The following TCEAL3 variants were observed in gnomAD, a reference collection of about 807,000 sequenced individuals.
TCEAL3 encodes the protein transcription elongation factor A like 3.
For missense variants in TCEAL3, 99 were observed against 156.4 expected (o/e 0.63, Z 1.96); for synonymous variants, 41 against 60.2 (o/e 0.68, Z 1.48).
chrX:103,608,458 G>A (rs1188010221), intron 1 of TCEAL3, 146 bp from the exon 2 acceptor site: 1 of 189,334 alleles, frequency 5.3e-6, no homozygotes, highest in African/African-American at 3.0e-5. Flanking sequence ...GGTGCCCGAG[G>A]CCTGGAAAGA....
Position 103,609,400 on chromosome X carries a change from A to T in TCEAL3, c.336A>T (p.Arg112Ser), listed in dbSNP as rs377363329. The change falls in exon 3 of 3, where the codon AGA becomes AGT. Residue 112 changes from arginine to serine, a missense_variant. Physicochemically the swap from Arg to Ser is moderately radical, Grantham distance 110 (BLOSUM62 -1). Coordinates refer to ENST00000372627, the MANE Select transcript of TCEAL3 (RefSeq NM_032926.3). ...AEDYVPRKAK[R>S]KTDRGTDDSP... ...ATTATGTGCCCCGGAAAGCAAAAAGAAAAACGGACAGGGGGACGGACGATT... is the reference window on the plus strand; with the variant it reads ...ATTATGTGCCCCGGAAAGCAAAAAGTAAAACGGACAGGGGGACGGACGATT... 2.5e-6 allele frequency: 3 copies of T among 1,210,385 alleles called. No homozygotes were observed. The African/African-American group carries it at 5.2e-5, about 21-fold the overall frequency.
rs1486978185 is a variant in TCEAL3, at chrX:103,609,030, T to A, written c.-27-8T>A. The A allele has an allele frequency of 3.4e-6, 4 of 1,176,255 alleles. No homozygotes were observed. The African/African-American group carries it at 7.2e-5, about 21-fold the overall frequency. On this transcript the variant is annotated splice_region_variant and splice_polypyrimidine_tract_variant and intron_variant, in intron 2 of 2. Transcript: ENST00000372627. ...TTGTCTCCTCTTCCCTCCATTCCCA[T>A]CCCCCAGGACAGGAAAAGGAGGGGA...
rs761774534 is a variant in TCEAL3, at chrX:103,608,986, A to C, written c.-27-52A>C. The C allele has an allele frequency of 9.7e-5, 111 of 1,148,843 alleles. No homozygotes were observed. In the South Asian group the frequency reaches 2.2e-3, roughly 23 times the overall value. The allele number at this position is 1,148,843 out of a possible 1,213,427, so 94.7% of individuals were successfully genotyped here. On this transcript the variant is annotated intron_variant, in intron 2 of 2. Coordinates refer to ENST00000372627, the MANE Select transcript of TCEAL3 (RefSeq NM_032926.3). ...GACCTGCATTCCACCCCATGCCCTC[A>C]GTCTCCCATGTCTCTTATTTGTCTC...
chrX:103,609,863 A>C lies in TCEAL3; in HGVS notation c.*196A>C. Reference sequence around the variant, plus strand: ...AGAGGATTTTCACCCATGTGCATGGAAAAGATGTTCATGGTACATTGTAAA... The same window carrying C: ...AGAGGATTTTCACCCATGTGCATGGCAAAGATGTTCATGGTACATTGTAAA... On this transcript the variant is annotated 3_prime_UTR_variant, in exon 3 of 3. Coordinates refer to ENST00000372627, the MANE Select transcript of TCEAL3 (RefSeq NM_032926.3). 1 of 501,238 alleles carries C rather than the reference A, an allele frequency of 2.0e-6. No individual in the cohort carries two copies. The highest frequency in any genetic ancestry group is 3.2e-6 in the Non-Finnish European group (1 of 315,633). 41.3% of individuals were successfully genotyped at this position (501,238 alleles called of 1,213,427 possible).
In TCEAL3 at chrX:103,608,727, A is replaced by C. The variant is rs1160624044; in HGVS notation, c.-28+54A>C. 93 of 467,180 alleles carry C rather than the reference A, an allele frequency of 2.0e-4. No homozygotes were observed. In the East Asian group the frequency reaches 4.2e-3, roughly 21 times the overall value. The allele number at this position is 467,180 out of a possible 1,213,427, so 38.5% of individuals were successfully genotyped here. A position where few individuals can be genotyped will look rare whatever the true frequency, so the allele number is the denominator to read the frequency against. Reference sequence around the variant, plus strand: ...AATGGACAGGGCCCTATAAGGGTTGAGAGTGTGGAGGGCCCGGCCAGGGCC... The same window carrying C: ...AATGGACAGGGCCCTATAAGGGTTGCGAGTGTGGAGGGCCCGGCCAGGGCC... On this transcript the variant is annotated intron_variant, in intron 2 of 2. Coordinates refer to ENST00000372627, the MANE Select transcript of TCEAL3 (RefSeq NM_032926.3).
At chrX:103,608,379 C>A (rs1314815504) in intron 1 of TCEAL3, among the ~76,000 whole-genome samples, 1 of 112,628 alleles carries the variant, frequency 8.9e-6, no homozygotes, top group East Asian at 2.8e-4. Context: ...AACGGGGTGG[C>A]GCTGGGACAG....
chrX:103,608,991 C>T (rs1248989740), intron 2 of TCEAL3, 47 bp from the exon 3 acceptor site: 1 of 1,156,941 alleles, frequency 8.6e-7, no homozygotes, highest in African/African-American at 1.8e-5. Context: ...CCCTCAGTCT[C>T]CCATGTCTCT....
At chrX:103,608,932 C>T in intron 2 of TCEAL3, 106 bp from the exon 3 acceptor site, 1 of 1,066,525 alleles carries the variant, frequency 9.4e-7, no homozygotes, top group Non-Finnish European at 1.2e-6. Context: ...GGGGAACCCT[C>T]ACCAGGGGTG....
intron 2 of TCEAL3, 59 bp downstream of exon 2, chrX:103,608,732 G>T: frequency 2.2e-6 from 1 of 464,970 alleles, no homozygotes; most frequent in South Asian, 3.9e-5. Context: ...GGTTGAGAGT[G>T]TGGAGGGCCC....
chrX:103,608,607 T>C lies in TCEAL3; in HGVS notation c.-94T>C. The C allele has an allele frequency of 1.6e-6, 1 of 639,696 alleles. No individual in the cohort carries two copies. The highest frequency in any genetic ancestry group is 2.4e-6 in the Non-Finnish European group (1 of 423,596). The allele number at this position is 639,696 out of a possible 1,213,427, so 52.7% of individuals were successfully genotyped here. On this transcript the variant is annotated 5_prime_UTR_variant, in exon 2 of 3. Coordinates refer to ENST00000372627, the MANE Select transcript of TCEAL3 (RefSeq NM_032926.3). ...CCTGTCTCCTGTCTGTCCGCAGGTC[T>C]GCGCGTCTGTTCCCAGCGCTCTGCG...
Position 103,609,410 on chromosome X carries a change from A to G in TCEAL3, c.346A>G (p.Arg116Gly). ...CCGGAAAGCAAAAAGAAAAACGGAC[A>G]GGGGGACGGACGATTCCCCCAAGGA... Reference protein sequence around the residue: ...VPRKAKRKTDRGTDDSPKDSQ... With the variant: ...VPRKAKRKTDGGTDDSPKDSQ... Residue 116 changes from arginine to glycine, a missense_variant, in exon 3 of 3, where the codon AGG (arginine) becomes GGG (glycine). Coordinates refer to ENST00000372627, the MANE Select transcript of TCEAL3 (RefSeq NM_032926.3). 8.3e-7 allele frequency: 1 copy of G among 1,212,028 alleles called. No homozygotes were observed. The highest frequency in any genetic ancestry group is 1.1e-6 in the Non-Finnish European group (1 of 895,588).
chrX:103,608,509 T>G (rs1182621391), intron 1 of TCEAL3, 95 bp from the exon 2 acceptor site: 3 of 236,789 alleles, frequency 1.3e-5, no homozygotes, highest in South Asian at 1.6e-4. Flanking sequence ...GAGGAAAACG[T>G]TGGGTAAGCA....
At position 103,609,867 on chromosome X, in the gene TCEAL3, G is replaced by T; in HGVS notation, c.*200G>T. On this transcript the variant is annotated 3_prime_UTR_variant, in exon 3 of 3. Coordinates refer to ENST00000372627, the MANE Select transcript of TCEAL3 (RefSeq NM_032926.3). Reference sequence around the variant, plus strand: ...GATTTTCACCCATGTGCATGGAAAAGATGTTCATGGTACATTGTAAAAAAA... The same window carrying T: ...GATTTTCACCCATGTGCATGGAAAATATGTTCATGGTACATTGTAAAAAAA... The T allele has an allele frequency of 8.3e-6, 4 of 484,486 alleles. No homozygotes were observed. 39.9% of individuals were successfully genotyped at this position (484,486 alleles called of 1,213,427 possible). A position where few individuals can be genotyped will look rare whatever the true frequency, so the allele number is the denominator to read the frequency against.
In TCEAL3 at chrX:103,609,151, G is replaced by A. The variant is rs773613423; in HGVS notation, c.87G>A (p.Lys29=). Residue 29 remains lysine (K), a synonymous_variant, in exon 3 of 3, where the codon AAG becomes AAA. Transcript: ENST00000372627. ...AAGTAGAGCCTGATGATGAAGGAAA[G>A]TCAGACGAGGAAGAAAAGCCAGACG... The part of the protein sequence containing the change: ...EDEVEPDDEG[K]SDEEEKPDVE... 17 of 1,210,123 alleles carry A rather than the reference G, an allele frequency of 1.4e-5. No homozygotes were observed. The highest frequency in any genetic ancestry group is 1.8e-5 in the Non-Finnish European group (16 of 895,109).
At chrX:103,608,971 C>T in intron 2 of TCEAL3, 67 bp from the exon 3 acceptor site, 1 of 1,137,782 alleles carries the variant, frequency 8.8e-7, no homozygotes, top group Admixed American at 2.9e-5. Flanking sequence ...GACCTGCATT[C>T]CACCCCATGC....
At position 103,609,240 on chromosome X, in the gene TCEAL3, A is replaced by T. The variant is rs758949487; in HGVS notation, c.176A>T (p.Gln59Leu). The change falls in exon 3 of 3, where the codon CAA becomes CTA. Residue 59 changes from glutamine to leucine, a missense_variant. Physicochemically the swap from Gln to Leu is moderately radical, Grantham distance 113. Transcript: ENST00000372627. ...GAGGGAGAGCCAGGTGATGAGGGACAACTGGAAGATGAGGGAAGCCAGGAA... is the reference window on the plus strand; with the variant it reads ...GAGGGAGAGCCAGGTGATGAGGGACTACTGGAAGATGAGGGAAGCCAGGAA... ...EDEGEPGDEG[Q>L]LEDEGSQEKQ... is the part of the protein sequence containing the mutation. 10 of 1,209,705 alleles carry T rather than the reference A, an allele frequency of 8.3e-6. No individual in the cohort carries two copies. In the African/African-American group the frequency reaches 1.8e-4, roughly 21 times the overall value.
chrX:103,608,964 C>T (rs2073642690), intron 2 of TCEAL3, 74 bp from the exon 3 acceptor site: 1 of 1,127,099 alleles, frequency 8.9e-7, no homozygotes, highest in Non-Finnish European at 1.2e-6. Context: ...CTATCCAGAC[C>T]TGCATTCCAC....
rs879109632 is a variant in TCEAL3 at position 103,609,712 on chromosome X, G to A, written c.*45G>A. On this transcript the variant is annotated 3_prime_UTR_variant, in exon 3 of 3. Coordinates refer to ENST00000372627, the MANE Select transcript of TCEAL3 (RefSeq NM_032926.3). ...TGATTTCTCTGATGAGAATATTGCT[G>A]GCCCTGCTTTCCCTGGTAGGTATTT... 1 of 1,183,798 alleles carries A rather than the reference G, an allele frequency of 8.4e-7. No individual in the cohort carries two copies. The highest frequency in any genetic ancestry group is 1.8e-5 in the African/African-American group (1 of 56,903).
chrX:103,608,541 A>G, intron 1 of TCEAL3, 63 bp from the exon 2 acceptor site: 1 of 350,561 alleles, frequency 2.9e-6, no homozygotes, highest in South Asian at 5.9e-5. Flanking sequence ...CAGGAAAGGG[A>G]ACCGAGTCCC....
Sources: gnomAD v4.1 joint callset for allele counts (sites outside exome capture counted in the v4.1 genomes callset) on GRCh38, gnomAD v4.1.1 for gene constraint, MANE v1.5 for transcripts, NCBI Gene and HGNC (gene_info 2026-07-23, HGNC 2026-07-21) for gene names.